The following ADAMTS5 variants were observed in gnomAD, a reference collection of about 807,000 sequenced individuals.
The protein encoded by ADAMTS5 is ADAM metallopeptidase with thrombospondin type 1 motif 5, also known as A disintegrin and metalloproteinase with thrombospondin motifs 5.
A neutral mutation model predicts 81.4 loss-of-function variants in ADAMTS5; 54 were observed. The ratio of observed to expected loss-of-function variants is 0.66; its 90% CI spans 0.53 to 0.83. The LOEUF (loss-of-function observed/expected upper bound fraction) is 0.83. Among genes scored for constraint, ADAMTS5 ranks in the 40% least tolerant of loss-of-function variants. ADAMTS5 has a pLI of 0.00. For synonymous variants in ADAMTS5, 532 were observed against 508.8 expected (o/e 1.05, Z -0.61); for missense variants, 1,194 against 1,229.9 (o/e 0.97, Z 0.44).
rs1986673903 is a variant in ADAMTS5, at chr21:26,920,670, TG to T, written c.*3382del. ...AGTGAAAGGATCTGATTATTGGCTGTGTCTTAGCGTCTGTAGGAAGCTTCTA... is the reference window on the plus strand; with the variant it reads ...AGTGAAAGGATCTGATTATTGGCTGTTCTTAGCGTCTGTAGGAAGCTTCTA... On this transcript the variant is annotated 3_prime_UTR_variant, in exon 8 of 8. Transcript: ENST00000284987. The T allele has an allele frequency of 6.6e-6, 1 of 152,152 alleles. No individual in the cohort carries two copies. The highest frequency in any genetic ancestry group is 2.1e-4 in the South Asian group (1 of 4,828). 9.4% of individuals were successfully genotyped at this position (152,152 alleles called of 1,614,324 possible).
At chr21:26,938,676 T>C (rs1440428831) in intron 3 of ADAMTS5, among the ~76,000 whole-genome samples, 16 of 152,140 alleles carry the variant, frequency 1.1e-4, no homozygotes, top group Non-Finnish European at 4.4e-5. Context: ...ATTACAGGCA[T>C]GCGCCAACAT....
At chr21:26,930,145 G>T in intron 6 of ADAMTS5, 84 bp from the exon 7 acceptor site, 2 of 1,387,898 alleles carry the variant, frequency 1.4e-6, no homozygotes, top group East Asian at 2.4e-5. Context: ...TCTCATTTGT[G>T]ATTTTTTGAG....
Position 26,966,052 on chromosome 21 carries a change from C to A in ADAMTS5, c.340G>T (p.Val114Leu), listed in dbSNP as rs755070804. ...RDGSVGIAGF[V>L]PAGGGTSAPW... ...GCACTCGTCCCGCCTCCTGCGGGCA[C>A]GAAGCCAGCAATGCCCACCGAACCA... The change falls in exon 1 of 8, where the codon GTG becomes TTG. Residue 114 changes from valine to leucine, a missense_variant. Physicochemically the swap from Val to Leu is conservative, Grantham distance 32 (BLOSUM62 1). Coordinates refer to ENST00000284987, the MANE Select transcript of ADAMTS5 (RefSeq NM_007038.5). 25 of 1,613,122 alleles carry A rather than the reference C, an allele frequency of 1.5e-5. No individual in the cohort carries two copies. The highest frequency in any genetic ancestry group is 4.5e-5 in the East Asian group (2 of 44,856).
In ADAMTS5 at chr21:26,930,016, C is replaced by A; in HGVS notation, c.2095G>T (p.Val699Phe). 6.2e-7 allele frequency: 1 copy of A among 1,613,990 alleles called. No homozygotes were observed. Among genetic ancestry groups the A allele is most frequent in the Non-Finnish European group, 8.5e-7 (1 of 1,179,890 alleles). Reference sequence around the variant, plus strand: ...CCAGTTCTCACACACTTCCCCCGGACGCAGACGGAATTACTGTACAGCCTA... The same window carrying A: ...CCAGTTCTCACACACTTCCCCCGGAAGCAGACGGAATTACTGTACAGCCTA... ...ECRLYSNSVC[V>F]RGKCVRTGCD... Residue 699 changes from valine to phenylalanine, a missense_variant, in exon 7 of 8, where the codon GTC becomes TTC. Transcript: ENST00000284987.
In ADAMTS5 at chr21:26,924,340, C is replaced by G; in HGVS notation, c.2506G>C (p.Ala836Pro). 1 of 1,614,186 alleles carries G rather than the reference C, an allele frequency of 6.2e-7. No individual in the cohort carries two copies. Among genetic ancestry groups the G allele is most frequent in the South Asian group, 1.1e-5 (1 of 91,086 alleles). The change falls in exon 8 of 8, where the codon GCA (alanine) becomes CCA (proline). Residue 836 changes from alanine (A) to proline (P), a missense_variant. Coordinates refer to ENST00000284987, the MANE Select transcript of ADAMTS5 (RefSeq NM_007038.5). The stretch of plus-strand genomic sequence containing the variant: ...TCTAATGGTTTAGTGGGGTCTGTTG[C>G]AAGAATCTGCACTATTAGAATTTCC... ...TKEILIVQIL[A>P]TDPTKPLDVR... is the part of the protein sequence containing the mutation.
In ADAMTS5 at chr21:26,934,608, C is replaced by G; in HGVS notation, c.1547G>C (p.Arg516Pro). The G allele has an allele frequency of 3.7e-6, 6 of 1,614,202 alleles. No individual in the cohort carries two copies. The highest frequency in any genetic ancestry group is 5.1e-6 in the Non-Finnish European group (6 of 1,180,046). ...SVCPGMDVCA[R>P]LWCAVVRQGQ... Reference sequence around the variant, plus strand: ...CTGGCGTACCACAGCACACCACAGGCGAGCACAGACATCCATGCCGGGACA... The same window carrying G: ...CTGGCGTACCACAGCACACCACAGGGGAGCACAGACATCCATGCCGGGACA... Residue 516 changes from arginine (R) to proline (P), a missense_variant, in exon 4 of 8, where the codon CGC becomes CCC. Around this residue, in one of 2 missense-constraint regions of ADAMTS5, gnomAD observed 696 missense variants for 817.6 expected, o/e 0.85. Coordinates refer to ENST00000284987, the MANE Select transcript of ADAMTS5 (RefSeq NM_007038.5).
At position 26,966,102 on chromosome 21, in the gene ADAMTS5, C is replaced by T. The variant is rs763459305; in HGVS notation, c.290G>A (p.Arg97Lys). 9.9e-6 allele frequency: 16 copies of T among 1,612,880 alleles called. No individual in the cohort carries two copies. The highest frequency in any genetic ancestry group is 1.4e-5 in the Non-Finnish European group (16 of 1,179,788). The change falls in exon 1 of 8, where the codon AGG becomes AAG. Residue 97 changes from arginine (R) to lysine (K), a missense_variant. Physicochemically the swap from Arg to Lys is conservative, Grantham distance 26. This residue lies in a region of ADAMTS5 where 498 missense variants were observed against 412.3 expected (regional missense o/e 1.21). Transcript: ENST00000284987. ...VGYLVYAGGR[R>K]FLLDLERDGS... ...ATCTCGCTCCAGGTCCAAGAGGAACCTCCGGCCGCCCGCGTAGACGAGGTA... is the reference window on the plus strand; with the variant it reads ...ATCTCGCTCCAGGTCCAAGAGGAACTTCCGGCCGCCCGCGTAGACGAGGTA...
chr21:26,924,034 A>T lies in ADAMTS5; in HGVS notation c.*19T>A, dbSNP rs764800244. ...CTGAATCCTCCAGTTATCTTTGTGC[A>T]TAAGATCATAACCACAGGCTAACAT... On this transcript the variant is annotated 3_prime_UTR_variant, in exon 8 of 8. Transcript: ENST00000284987. 2.4e-5 allele frequency: 38 copies of T among 1,569,960 alleles called. No individual in the cohort carries two copies. Among genetic ancestry groups the T allele is most frequent in the Non-Finnish European group, 8.7e-7 (1 of 1,152,686 alleles).
intron 2 of ADAMTS5, among the ~76,000 whole-genome samples, chr21:26,947,485 G>C (rs2123191426): frequency 6.6e-6 from 1 of 151,272 alleles, no homozygotes; most frequent in Non-Finnish European, 1.5e-5. Context: ...CCAGGCTGGA[G>C]TGCAAAGGCA....
intron 1 of ADAMTS5, among the ~76,000 whole-genome samples, chr21:26,957,574 T>C (rs138073034): frequency 6.6e-6 from 1 of 152,294 alleles, no homozygotes; most frequent in African/African-American, 2.4e-5. Context: ...GACAAAAGCT[T>C]ATCTGCTTGT....
At position 26,929,972 on chromosome 21, in the gene ADAMTS5, G is replaced by T. The variant is rs746707404; in HGVS notation, c.2139C>A (p.Gly713=). 1.3e-5 allele frequency: 21 copies of T among 1,614,000 alleles called. No individual in the cohort carries two copies. The African/African-American group carries it at 2.4e-4, about 18-fold the overall frequency. ...CGCACTTGTCATACTGCAGCTTTGA[G>T]CCAATGATGCCGTCACAGCCAGTTC... The part of the protein sequence containing the change: ...CVRTGCDGII[G]SKLQYDKCGV... Residue 713 remains glycine (G), a synonymous_variant, in exon 7 of 8, where the codon GGC becomes GGA. Transcript: ENST00000284987.
At position 26,934,857 on chromosome 21, in the gene ADAMTS5, C is replaced by A. The variant is rs1222570243; in HGVS notation, c.1406-108G>T. On this transcript the variant is annotated intron_variant, in intron 3 of 7. Coordinates refer to ENST00000284987, the MANE Select transcript of ADAMTS5 (RefSeq NM_007038.5). ...CGGCTGGTGTTGGAGCACGAGGCACCCATGAATCTGTAGTGTAATGCTCTG... is the reference window on the plus strand; with the variant it reads ...CGGCTGGTGTTGGAGCACGAGGCACACATGAATCTGTAGTGTAATGCTCTG... 6 of 1,389,574 alleles carry A rather than the reference C, an allele frequency of 4.3e-6. No homozygotes were observed. The Admixed American group carries it at 1.0e-4, about 23-fold the overall frequency. The allele number at this position is 1,389,574 out of a possible 1,614,324, so 86.1% of individuals were successfully genotyped here.
intron 1 of ADAMTS5, among the ~76,000 whole-genome samples, chr21:26,961,634 T>G (rs558903013): frequency 6.6e-6 from 1 of 152,364 alleles, no homozygotes; most frequent in South Asian, 2.1e-4. Context: ...TTTAGATTTT[T>G]CATAATATCC....
chr21:26,965,153 G>C, intron 1 of ADAMTS5, 135 bp downstream of exon 1: 2 of 1,335,872 alleles, frequency 1.5e-6, no homozygotes, highest in Non-Finnish European at 2.0e-6. Context: ...AGGCTGGTTG[G>C]ATTTCCTGCA....
At chr21:26,948,797 A>G (rs1032743120) in intron 2 of ADAMTS5, among the ~76,000 whole-genome samples, 1 of 152,164 alleles carries the variant, frequency 6.6e-6, no homozygotes, top group Non-Finnish European at 1.5e-5. Context: ...TTAAAGTAAA[A>G]ACTGTCTAAA....
chr21:26,966,516 T>G lies in ADAMTS5; in HGVS notation c.-125A>C. Reference sequence around the variant, plus strand: ...CTTGCTTGCAGGATTGAGTCAAGTGTCGGAGGGAGGGGGGCCCGGCAGCAG... The same window carrying G: ...CTTGCTTGCAGGATTGAGTCAAGTGGCGGAGGGAGGGGGGCCCGGCAGCAG... On this transcript the variant is annotated 5_prime_UTR_variant, in exon 1 of 8. Coordinates refer to ENST00000284987, the MANE Select transcript of ADAMTS5 (RefSeq NM_007038.5). 26 of 924,676 alleles carry G rather than the reference T, an allele frequency of 2.8e-5. No homozygotes were observed. Among genetic ancestry groups the G allele is most frequent in the Admixed American group, 4.4e-5 (1 of 22,596 alleles). The allele number at this position is 924,676 out of a possible 1,614,324, so 57.3% of individuals were successfully genotyped here.
chr21:26,939,028 C>T (rs1261863037), intron 3 of ADAMTS5, among the ~76,000 whole-genome samples: 1 of 152,172 alleles, frequency 6.6e-6, no homozygotes. Flanking sequence ...TACAATCTCC[C>T]TTTGCTTCCA....
rs543603800 is a variant in ADAMTS5, at chr21:26,965,797, T to C, written c.595A>G (p.Ser199Gly). 3.8e-5 allele frequency: 61 copies of C among 1,605,704 alleles called. No individual in the cohort carries two copies. In the East Asian group the frequency reaches 1.1e-3, roughly 30 times the overall value. The change falls in exon 1 of 8, where the codon AGC (serine) becomes GGC (glycine). Residue 199 changes from serine (S) to glycine (G), a missense_variant. Ser to Gly is a moderately conservative substitution (Grantham distance 56, BLOSUM62 0). This residue lies in a region of ADAMTS5 where 498 missense variants were observed against 412.3 expected (regional missense o/e 1.21). Coordinates refer to ENST00000284987, the MANE Select transcript of ADAMTS5 (RefSeq NM_007038.5). ...GCGCGCGGCGGCAGGGCCTCGAAGC[T>C]GAAGCCCTCGCGGGTGTAGACGTGC... ...ILHVYTREGF[S>G]FEALPPRASC...
intron 2 of ADAMTS5, among the ~76,000 whole-genome samples, chr21:26,952,444 A>T (rs1987338433): frequency 6.6e-6 from 1 of 152,204 alleles, no homozygotes; most frequent in South Asian, 2.1e-4. Context: ...TTGTAACCCA[A>T]GATTGCCTTA....
Sources: allele counts gnomAD v4.1 joint callset (sites outside exome capture counted in the v4.1 genomes callset), GRCh38; gene constraint gnomAD v4.1.1; regional missense constraint gnomAD v4.1.1; transcripts MANE v1.5; gene names NCBI Gene and HGNC (gene_info 2026-07-23, HGNC 2026-07-21).